Variants in PTCSC3 observed in about 807,000 individuals in gnomAD.
The protein encoded by PTCSC3 is papillary thyroid carcinoma susceptibility candidate 3 (non-protein coding).
chr14:36,143,734 A>G (rs1279391261), intron 3 of PTCSC3, among the ~76,000 whole-genome samples: 3 of 146,356 alleles, frequency 2.0e-5, no homozygotes, highest in Non-Finnish European at 4.5e-5. Flanking sequence ...GTCCTTGCCC[A>G]TGCCTATGTC....
chr14:36,150,237 G>A (rs956719293), intron 3 of PTCSC3, among the ~76,000 whole-genome samples: 1 of 152,138 alleles, frequency 6.6e-6, no homozygotes, highest in Non-Finnish European at 1.5e-5. Flanking sequence ...GTATTAGGAG[G>A]TGGGACTTTT....
At chr14:36,167,118 G>A (rs1448301964) in intron 1 of PTCSC3, among the ~76,000 whole-genome samples, 1 of 152,154 alleles carries the variant, frequency 6.6e-6, no homozygotes, top group African/African-American at 2.4e-5. Flanking sequence ...AAGCACATTT[G>A]TAAAAGAGAA....
At chr14:36,168,158 C>G (rs1021134435) in intron 1 of PTCSC3, among the ~76,000 whole-genome samples, 3 of 151,890 alleles carry the variant, frequency 2.0e-5, no homozygotes, top group Non-Finnish European at 4.4e-5. Context: ...GATATTTTCT[C>G]TATATGACTT....
At chr14:36,152,021 T>G (rs1303124197) in intron 3 of PTCSC3, among the ~76,000 whole-genome samples, 1 of 151,778 alleles carries the variant, frequency 6.6e-6, no homozygotes, top group Non-Finnish European at 1.5e-5. Context: ...GATTTGTTGA[T>G]TTTCAAATTT....
At chr14:36,157,425 T>G (rs1195025368) in intron 2 of PTCSC3, among the ~76,000 whole-genome samples, 2 of 152,242 alleles carry the variant, frequency 1.3e-5, no homozygotes, top group African/African-American at 4.8e-5. Context: ...TTGTCAATTT[T>G]GGCTTTTGTT....
At chr14:36,137,030 C>CT (rs1881303537) in intron 3 of PTCSC3, among the ~76,000 whole-genome samples, 1 of 150,820 alleles carries the variant, frequency 6.6e-6, no homozygotes, top group Non-Finnish European at 1.5e-5. Context: ...TGCAGTGTTT[C>CT]TTTTTTCTTT....
At chr14:36,142,508 A>G (rs1190484770) in intron 3 of PTCSC3, among the ~76,000 whole-genome samples, 1 of 152,142 alleles carries the variant, frequency 6.6e-6, no homozygotes, top group African/African-American at 2.4e-5. Flanking sequence ...ATAAATTAGT[A>G]AGTGTTCCCT....
At chr14:36,151,800 C>A (rs1215999868) in intron 3 of PTCSC3, among the ~76,000 whole-genome samples, 2 of 152,132 alleles carry the variant, frequency 1.3e-5, no homozygotes, top group Non-Finnish European at 2.9e-5. Context: ...GAATGAAGAC[C>A]AGAATGCTCT....
chr14:36,148,756 T>A (rs1271999580), intron 3 of PTCSC3, among the ~76,000 whole-genome samples: 2 of 152,190 alleles, frequency 1.3e-5, no homozygotes, highest in African/African-American at 4.8e-5. Context: ...TGAGTTTTTA[T>A]AGATCTTTTG....
At chr14:36,155,734 C>T (rs1881812817) in intron 2 of PTCSC3, among the ~76,000 whole-genome samples, 1 of 151,998 alleles carries the variant, frequency 6.6e-6, no homozygotes, top group South Asian at 2.1e-4. Context: ...TTTGGATGCC[C>T]ATGTGCTGGC....
chr14:36,158,318 CCTTGT>C (rs1288228622), intron 2 of PTCSC3, among the ~76,000 whole-genome samples: 2 of 152,148 alleles, frequency 1.3e-5, no homozygotes, highest in Admixed American at 6.5e-5. Flanking sequence ...GAGAGGGCAT[CCTTGT>C]CTTGTGCTGG....
intron 3 of PTCSC3, among the ~76,000 whole-genome samples, chr14:36,151,546 T>A (rs1340757142): frequency 6.6e-6 from 1 of 152,242 alleles, no homozygotes; most frequent in Non-Finnish European, 1.5e-5. Context: ...AGTTCTTGGA[T>A]GTTCTGGCCT....
intron 1 of PTCSC3, among the ~76,000 whole-genome samples, chr14:36,175,598 C>T (rs190886183): frequency 2.6e-4 from 40 of 152,164 alleles, no homozygotes; most frequent in African/African-American, 8.7e-4. Flanking sequence ...CCGATATGCC[C>T]GACAGAAGCA....
chr14:36,139,961 A>C (rs1368603028), intron 3 of PTCSC3, among the ~76,000 whole-genome samples: 1 of 152,154 alleles, frequency 6.6e-6, no homozygotes, highest in Non-Finnish European at 1.5e-5. Context: ...CACTGTCCTA[A>C]AAGTCCCCTG....
chr14:36,137,935 G>A (rs964818488), intron 3 of PTCSC3, among the ~76,000 whole-genome samples: 9 of 152,290 alleles, frequency 5.9e-5, no homozygotes, highest in Admixed American at 3.9e-4. Flanking sequence ...AATTATCTAC[G>A]TATTGATAGC....
chr14:36,171,381 AAAAT>A (rs1882189257), intron 1 of PTCSC3, among the ~76,000 whole-genome samples: 1 of 152,164 alleles, frequency 6.6e-6, no homozygotes, highest in South Asian at 2.1e-4. Context: ...CAGTGGCAGA[AAAAT>A]AATTGAGGCG....
chr14:36,151,289 C>T lies in PTCSC3; in HGVS notation n.322+2515G>A, dbSNP rs140316514. Among the ~76,000 whole-genome samples the T allele has an allele frequency of 1.9e-3, 293 of 152,046 alleles. 1 individual carries two copies. The highest frequency in any genetic ancestry group is 6.1e-3 in the African/African-American group (252 of 41,464). On this transcript the variant is annotated intron_variant and non_coding_transcript_variant, in intron 3 of 3. Coordinates refer to ENST00000556013, the Ensembl canonical transcript of PTCSC3. ...CTCTGTAGGTAAGGTATTACCCCCC[C>T]GCCCCTGCCCTCTGGCTTTTTTCAA...
intron 2 of PTCSC3, among the ~76,000 whole-genome samples, chr14:36,161,111 C>T (rs1021922537): frequency 1.3e-5 from 2 of 152,242 alleles, no homozygotes; most frequent in African/African-American, 2.4e-5. Context: ...TTCTAGTTAG[C>T]AATTAGTCTA....
rs148037462 is a variant in PTCSC3 at position 36,141,159 on chromosome 14, T to A, written n.323-4803A>T. Among the ~76,000 whole-genome samples the A allele has an allele frequency of 1.2e-3, 178 of 152,322 alleles. 2 individuals are homozygous for A. The highest frequency in any genetic ancestry group is 4.2e-3 in the African/African-American group (174 of 41,566). On this transcript the variant is annotated intron_variant and non_coding_transcript_variant, in intron 3 of 3. Coordinates refer to ENST00000556013, the Ensembl canonical transcript of PTCSC3. Reference sequence around the variant, plus strand: ...TTGTAGTTTTAAAATAAGTCTGAAATAAGGTAGTGTCAGTTTTCAGATTGT... The same window carrying A: ...TTGTAGTTTTAAAATAAGTCTGAAAAAAGGTAGTGTCAGTTTTCAGATTGT...
Sources: allele counts gnomAD v4.1 joint callset (sites outside exome capture counted in the v4.1 genomes callset), GRCh38; gene constraint gnomAD v4.1.1; transcripts MANE v1.5; gene names NCBI Gene and HGNC (gene_info 2026-07-23, HGNC 2026-07-21).